The following KIF25 variants were observed in gnomAD, a reference collection of about 807,000 sequenced individuals.
The protein encoded by KIF25 is kinesin-like protein KIF25.
A neutral mutation model predicts 32.9 loss-of-function variants in KIF25; 19 were observed. That is an observed-to-expected ratio of 0.58 (90% confidence interval 0.40 to 0.85). The LOEUF is 0.85. Ranked by LOEUF, KIF25 falls within the 40% of genes least tolerant of loss-of-function variation. The pLI, the probability that KIF25 is intolerant of heterozygous loss-of-function variation, is 0.00. For synonymous variants in KIF25, 225 were observed against 213.7 expected, an observed-to-expected ratio of 1.05 and a Z score of -0.46; for missense variants, 485 against 507.0, an observed-to-expected ratio of 0.96 and a Z score of 0.42.
intron 4 of KIF25, among the ~76,000 whole-genome samples, chr6:168,006,470 C>T (rs147092278): frequency 8.7e-4 from 132 of 152,328 alleles, no homozygotes; most frequent in African/African-American, 3.0e-3. Context: ...GCAGGAGTGT[C>T]TGTGAAACAA....
At chr6:168,036,871 G>T (rs1017788576) in intron 8 of KIF25, among the ~76,000 whole-genome samples, 5 of 152,176 alleles carry the variant, frequency 3.3e-5, no homozygotes, top group Non-Finnish European at 7.3e-5. Flanking sequence ...AGACCAGCCT[G>T]GCCAACATGG....
chr6:167,999,674 G>T (rs1798470418), intron 2 of KIF25, among the ~76,000 whole-genome samples: 1 of 152,158 alleles, frequency 6.6e-6, no homozygotes, highest in African/African-American at 2.4e-5. Flanking sequence ...ATATCAAAAA[G>T]GGAGCACCCT....
chr6:168,020,512 A>C (rs1264705514), intron 5 of KIF25, among the ~76,000 whole-genome samples: 1 of 152,198 alleles, frequency 6.6e-6, no homozygotes, highest in African/African-American at 2.4e-5. Flanking sequence ...CTGATTAAAG[A>C]AAAATAACAA....
At chr6:168,036,432 G>T (rs1799027073) in intron 8 of KIF25, among the ~76,000 whole-genome samples, 1 of 152,250 alleles carries the variant, frequency 6.6e-6, no homozygotes, top group Non-Finnish European at 1.5e-5. Flanking sequence ...AGAGAGTCAG[G>T]GGAGCTGCGT....
At chr6:168,008,723 T>C (rs1343741915) in intron 4 of KIF25, among the ~76,000 whole-genome samples, 1 of 152,194 alleles carries the variant, frequency 6.6e-6, no homozygotes, top group Non-Finnish European at 1.5e-5. Flanking sequence ...GTCTTTCCAT[T>C]TGTTTGCATC....
chr6:168,043,382 G>A (rs562215039), intron 12 of KIF25, among the ~76,000 whole-genome samples: 12 of 152,316 alleles, frequency 7.9e-5, no homozygotes, highest in Non-Finnish European at 1.0e-4. Context: ...ACTGCAGGAC[G>A]GCAGGGGCAC....
At chr6:168,026,621 A>C (rs537071675) in intron 5 of KIF25, among the ~76,000 whole-genome samples, 110 of 152,346 alleles carry the variant, frequency 7.2e-4, no homozygotes, top group African/African-American at 2.5e-3. Flanking sequence ...TATTTTAAAA[A>C]TAAATTTGTA....
intron 5 of KIF25, among the ~76,000 whole-genome samples, chr6:168,025,562 C>T (rs991039739): frequency 3.3e-5 from 5 of 152,074 alleles, no homozygotes; most frequent in African/African-American, 1.2e-4. Context: ...TCCTTCCTCC[C>T]GACCCCACCT....
intron 5 of KIF25, among the ~76,000 whole-genome samples, chr6:168,028,700 A>T (rs944130013): frequency 6.6e-6 from 1 of 152,264 alleles, no homozygotes; most frequent in Non-Finnish European, 1.5e-5. Flanking sequence ...TGGCATCTTC[A>T]TGAGTTGACT....
intron 4 of KIF25, among the ~76,000 whole-genome samples, chr6:168,005,924 G>A (rs1329877339): frequency 6.6e-6 from 1 of 152,138 alleles, no homozygotes; most frequent in Non-Finnish European, 1.5e-5. Context: ...TGATCAAGTT[G>A]ACGCTCGGTA....
chr6:168,042,158 A>C lies in KIF25; in HGVS notation c.829+7A>C, dbSNP rs758456030. The stretch of plus-strand genomic sequence containing the variant: ...GCCGGCAGCGAGTGCGTTGGTGAGC[A>C]GGGGCAGGCATTTCCCTGGGGGGTG... On this transcript the variant is annotated splice_region_variant and intron_variant, in intron 11 of 12. Transcript: ENST00000643607. 6.5e-6 allele frequency: 10 copies of C among 1,546,534 alleles called. No individual in the cohort carries two copies.
intron 12 of KIF25, among the ~76,000 whole-genome samples, chr6:168,043,495 A>G (rs922067186): frequency 8.5e-5 from 13 of 152,194 alleles, no homozygotes; most frequent in African/African-American, 3.1e-4. Context: ...GGAATGTTCC[A>G]GACACTCTCC....
At chr6:168,035,383 G>A (rs1799002132) in intron 8 of KIF25, among the ~76,000 whole-genome samples, 1 of 57,690 alleles carries the variant, frequency 1.7e-5, no homozygotes, top group African/African-American at 5.3e-5. Flanking sequence ...TCTGGAATTT[G>A]CCGACGGAAG....
At position 167,999,336 on chromosome 6, in the gene KIF25, A is replaced by T. The variant is rs1449756608; in HGVS notation, c.-370+16A>T. The T allele has an allele frequency of 6.6e-6, 1 of 152,278 alleles. No homozygotes were observed. The allele number at this position is 152,278 out of a possible 1,614,324, so 9.4% of individuals were successfully genotyped here. On this transcript the variant is annotated intron_variant, in intron 2 of 12. Transcript: ENST00000643607. Reference sequence around the variant, plus strand: ...TGCAGAGCAGGTAACCTGTGTTTGCACGGTGTGTGTATGTCTGTGTGCTCA... The same window carrying T: ...TGCAGAGCAGGTAACCTGTGTTTGCTCGGTGTGTGTATGTCTGTGTGCTCA...
At chr6:168,034,713 AG>A (rs1293300727) in intron 8 of KIF25, among the ~76,000 whole-genome samples, 5 of 152,182 alleles carry the variant, frequency 3.3e-5, no homozygotes, top group African/African-American at 1.2e-4. Flanking sequence ...TGCCGCCATC[AG>A]GAGTGTATGC....
At chr6:168,027,454 C>CAAAAAAAAAAAA (rs757678230) in intron 5 of KIF25, among the ~76,000 whole-genome samples, 1 of 88,982 alleles carries the variant, frequency 1.1e-5, no homozygotes, top group East Asian at 2.9e-4. Context: ...ACTCTGTCTC[C>CAAAAAAAAAAAA]AAAAAAAAAA....
At chr6:168,035,784 CAG>C (rs1450390335) in intron 8 of KIF25, 1 of 456,154 alleles carries the variant, frequency 2.2e-6, no homozygotes, top group Admixed American at 2.3e-5. Context: ...GTCAGAGTCT[CAG>C]AATCTCTGCT....
At chr6:168,035,807 AGTGGCCC>A (rs1799017128) in intron 8 of KIF25, 2 of 455,736 alleles carry the variant, frequency 4.4e-6, no homozygotes, top group African/African-American at 4.0e-5. Context: ...CTTCCAAGTG[AGTGGCCC>A]CGGGCAAGGC....
In KIF25 at chr6:168,016,459, C is replaced by T. The variant is rs77633657; in HGVS notation, c.-162-1514C>T. 9.6e-3 allele frequency among the ~76,000 whole-genome samples: 1,462 copies of T among 152,322 alleles called. 31 individuals carry two copies. The highest frequency in any genetic ancestry group is 0.033 in the African/African-American group (1,389 of 41,566). On this transcript the variant is annotated intron_variant, in intron 4 of 12. Transcript: ENST00000643607. ...CGCCCCAGCCACCGGCTGCTCCTCC[C>T]GGCATTGCCAGAGTCACTGTGGTGG...
Sources: gnomAD v4.1 joint callset for allele counts (sites outside exome capture counted in the v4.1 genomes callset) on GRCh38, gnomAD v4.1.1 for gene constraint, MANE v1.5 for transcripts, NCBI Gene and HGNC (gene_info 2026-07-23, HGNC 2026-07-21) for gene names.